LRRC75A: variants seen among roughly 807,000 people sequenced by gnomAD.
The protein encoded by LRRC75A is leucine rich repeat containing 75A, also known as leucine-rich repeat-containing protein 75A.
In LRRC75A, 12 loss-of-function variants were observed where a neutral mutation model predicts 26.0. That is an observed-to-expected ratio of 0.46 (90% CI 0.30 to 0.75). The LOEUF is 0.75. LRRC75A is among the 30% of genes least tolerant of loss of function. LRRC75A has a pLI of 0.08. For synonymous variants in LRRC75A, 223 were observed against 219.3 expected, an observed-to-expected ratio of 1.02 and a Z score of -0.15; for missense variants, 410 against 486.6, an observed-to-expected ratio of 0.84 and a Z score of 1.48.
At chr17:16,484,367 C>CAA (rs11445297) in intron 1 of LRRC75A, among the ~76,000 whole-genome samples, 33 of 151,020 alleles carry the variant, frequency 2.2e-4, no homozygotes, top group South Asian at 1.0e-3. Context: ...AAACAAAAAA[C>CAA]AAAAAAAAAT....
chr17:16,490,606 T>C (rs534699008), intron 1 of LRRC75A, among the ~76,000 whole-genome samples: 14 of 152,190 alleles, frequency 9.2e-5, no homozygotes, highest in African/African-American at 3.1e-4. Flanking sequence ...GCGCACCAGA[T>C]ACAAAGGTGG....
At chr17:16,481,688 G>A (rs539638712) in intron 1 of LRRC75A, among the ~76,000 whole-genome samples, 15 of 152,206 alleles carry the variant, frequency 9.9e-5, no homozygotes, top group Non-Finnish European at 1.9e-4. Flanking sequence ...CAGCACAGGA[G>A]GGGAGACATG....
Position 16,443,871 on chromosome 17 carries a change from G to C in LRRC75A, c.752C>G (p.Thr251Ser), listed in dbSNP as rs762804451. Residue 251 changes from threonine to serine, a missense_variant, in exon 4 of 4, where the codon ACT (threonine) becomes AGT (serine). Thr to Ser is a moderately conservative substitution (Grantham distance 58). Coordinates refer to ENST00000470794, the MANE Select transcript of LRRC75A (RefSeq NM_001113567.3). ...CTTGCTGGGATCCTTAAGGATGTCA[G>C]TGAGGTCGCGCAGCACGGCCCGGGT... ...RLTRAVLRDL[T>S]DILKDPSKFP... 2.4e-5 allele frequency: 39 copies of C among 1,613,570 alleles called. No homozygotes were observed. The South Asian group carries it at 4.2e-4, about 17-fold the overall frequency.
At chr17:16,444,272 A>G (rs900184787) in intron 3 of LRRC75A, 141 bp from the exon 4 acceptor site, 57 of 685,364 alleles carry the variant, frequency 8.3e-5, no homozygotes, top group Non-Finnish European at 1.1e-4. Flanking sequence ...CCACAAGTGC[A>G]GAGGTGGGAG....
rs1395308237 is a variant in LRRC75A, at chr17:16,444,061, G to T, written c.562C>A (p.Arg188=). The T allele has an allele frequency of 6.2e-7, 1 of 1,612,932 alleles. No individual in the cohort carries two copies. Among genetic ancestry groups the T allele is most frequent in the South Asian group, 1.1e-5 (1 of 90,952 alleles). The change falls in exon 4 of 4, where the codon CGA becomes AGA. Residue 188 remains arginine (R), a synonymous_variant. Transcript: ENST00000470794. ...VDLSGIPLTS[R]DLERVTSYLQ... ...TAGCTGGTCACCCGCTCCAGGTCTC[G>T]GGAGGTCAGTGGGATTCCCGACAGG...
At chr17:16,474,723 G>T (rs112045432) in intron 1 of LRRC75A, among the ~76,000 whole-genome samples, 1 of 151,988 alleles carries the variant, frequency 6.6e-6, no homozygotes, top group African/African-American at 2.4e-5. Flanking sequence ...GGCCGGGCGC[G>T]GTGGCTCACG....
intron 1 of LRRC75A, among the ~76,000 whole-genome samples, chr17:16,466,764 C>T (rs543602710): frequency 1.2e-4 from 19 of 152,206 alleles, no homozygotes; most frequent in African/African-American, 4.6e-4. Context: ...TCTGGGGACT[C>T]GCTGCAATGG....
intron 2 of LRRC75A, among the ~76,000 whole-genome samples, chr17:16,455,507 T>C (rs1033963078): frequency 4.6e-5 from 7 of 151,996 alleles, no homozygotes; most frequent in African/African-American, 1.7e-4. Flanking sequence ...GCCTCCCGAG[T>C]AGCTGGGACT....
intron 1 of LRRC75A, among the ~76,000 whole-genome samples, chr17:16,471,093 T>C (rs147507273): frequency 3.3e-5 from 5 of 152,274 alleles, no homozygotes; most frequent in African/African-American, 1.2e-4. Context: ...ACACACAGAT[T>C]ACCTTCAGGA....
At chr17:16,486,624 C>T (rs1177068476) in intron 1 of LRRC75A, among the ~76,000 whole-genome samples, 1 of 152,198 alleles carries the variant, frequency 6.6e-6, no homozygotes, top group African/African-American at 2.4e-5. Flanking sequence ...CATCAGGCTC[C>T]GCTCCCCTCC....
intron 1 of LRRC75A, among the ~76,000 whole-genome samples, chr17:16,473,643 C>T (rs2093812896): frequency 6.6e-6 from 1 of 152,204 alleles, no homozygotes; most frequent in Non-Finnish European, 1.5e-5. Context: ...GGCACCCACT[C>T]CCCGCTCCAC....
chr17:16,482,123 T>C (rs886923221), intron 1 of LRRC75A, among the ~76,000 whole-genome samples: 2 of 152,112 alleles, frequency 1.3e-5, no homozygotes, highest in Admixed American at 1.3e-4. Context: ...TCCTGCCCCT[T>C]TCTATTGGGT....
intron 1 of LRRC75A, among the ~76,000 whole-genome samples, chr17:16,478,075 C>A (rs970812818): frequency 6.6e-6 from 1 of 151,928 alleles, no homozygotes; most frequent in African/African-American, 2.4e-5. Flanking sequence ...TCGGTGGACT[C>A]CCTCCCTCAG....
chr17:16,466,911 G>T (rs527582252), intron 1 of LRRC75A, among the ~76,000 whole-genome samples: 1 of 152,138 alleles, frequency 6.6e-6, no homozygotes, highest in Non-Finnish European at 1.5e-5. Flanking sequence ...CATTTTAGGG[G>T]TGCTGTGGGG....
chr17:16,485,077 G>T (rs1223943857), intron 1 of LRRC75A, among the ~76,000 whole-genome samples: 1 of 151,896 alleles, frequency 6.6e-6, no homozygotes, highest in Non-Finnish European at 1.5e-5. Flanking sequence ...CCCCGCCCCT[G>T]CTTGGCGCGC....
chr17:16,488,028 C>T (rs964017986), intron 1 of LRRC75A, among the ~76,000 whole-genome samples: 18 of 152,242 alleles, frequency 1.2e-4, no homozygotes, highest in African/African-American at 4.1e-4. Flanking sequence ...TTTTCTGCTG[C>T]TCCATGACGC....
rs572787803 is a variant in LRRC75A at position 16,457,218 on chromosome 17, C to G, written c.375+5040G>C. ...CTGCCCTCCATTCAAGGCTATCCCT[C>G]CCTCATCCATAAATTCATTCATACA... On this transcript the variant is annotated intron_variant, in intron 2 of 3. Coordinates refer to ENST00000470794, the MANE Select transcript of LRRC75A (RefSeq NM_001113567.3). 7.9e-4 allele frequency among the ~76,000 whole-genome samples: 120 copies of G among 152,348 alleles called. 1 individual carries two copies. The highest frequency in any genetic ancestry group is 3.4e-3 in the Middle Eastern group (1 of 294).
At chr17:16,472,377 G>T (rs1011354261) in intron 1 of LRRC75A, among the ~76,000 whole-genome samples, 1 of 152,204 alleles carries the variant, frequency 6.6e-6, no homozygotes, top group Non-Finnish European at 1.5e-5. Flanking sequence ...CGTGGATGGC[G>T]GAAGGCGAGC....
At chr17:16,470,303 C>A (rs1404185710) in intron 1 of LRRC75A, 1 of 152,160 alleles carries the variant, frequency 6.6e-6, no homozygotes, top group Admixed American at 6.5e-5. Context: ...CTCCTCCAGG[C>A]ATGACTCCAC....
Sources: allele counts gnomAD v4.1 joint callset (sites outside exome capture counted in the v4.1 genomes callset), GRCh38; gene constraint gnomAD v4.1.1; transcripts MANE v1.5; gene names NCBI Gene and HGNC (gene_info 2026-07-23, HGNC 2026-07-21).